ZZZ3: variants seen among roughly 807,000 people sequenced by gnomAD.
The protein encoded by ZZZ3 is zinc finger ZZ-type containing 3.
ZZZ3 carries 22 observed loss-of-function variants against 95.2 expected under a neutral mutation model. The ratio of observed to expected loss-of-function variants is 0.23; its 90% CI spans 0.17 to 0.33. The LOEUF (loss-of-function observed/expected upper bound fraction) is 0.33. Among genes scored for constraint, ZZZ3 ranks in the 10% least tolerant of loss-of-function variants. ZZZ3 has a pLI of 1.00. For missense variants in ZZZ3, 885 were observed against 1,066.5 expected, an observed-to-expected ratio of 0.83 and a Z score of 2.37; for synonymous variants, 335 against 358.9, an observed-to-expected ratio of 0.93 and a Z score of 0.75.
intron 5 of ZZZ3, among the ~76,000 whole-genome samples, chr1:77,611,571 TCA>T (rs1293950458): frequency 3.3e-5 from 5 of 151,882 alleles, no homozygotes; most frequent in Non-Finnish European, 5.9e-5. Flanking sequence ...GCCGGAAGCA[TCA>T]CACTCAATGA....
intron 4 of ZZZ3, among the ~76,000 whole-genome samples, chr1:77,635,569 TA>T (rs1668219099): frequency 6.6e-6 from 1 of 152,250 alleles, no homozygotes; most frequent in Non-Finnish European, 1.5e-5. Context: ...TTTCCACTTT[TA>T]ATTGTAAAAC....
intron 1 of ZZZ3, among the ~76,000 whole-genome samples, chr1:77,669,916 A>T (rs1671597805): frequency 1.3e-5 from 2 of 152,158 alleles, no homozygotes; most frequent in Admixed American, 1.3e-4. Flanking sequence ...GGTAAAAGAG[A>T]TCATTTTGGT....
intron 5 of ZZZ3, among the ~76,000 whole-genome samples, chr1:77,586,595 A>T (rs1444912174): frequency 6.7e-6 from 1 of 148,912 alleles, no homozygotes; most frequent in African/African-American, 2.6e-5. Context: ...AATCTGACTT[A>T]AAAAAAAATT....
intron 5 of ZZZ3, among the ~76,000 whole-genome samples, chr1:77,613,768 T>C (rs1666038837): frequency 6.6e-6 from 1 of 152,150 alleles, no homozygotes; most frequent in Non-Finnish European, 1.5e-5. Flanking sequence ...CCTGATAAAC[T>C]AAACAAGTTA....
intron 1 of ZZZ3, among the ~76,000 whole-genome samples, chr1:77,659,173 A>G (rs887999480): frequency 2.6e-5 from 4 of 152,126 alleles, no homozygotes; most frequent in Non-Finnish European, 4.4e-5. Context: ...AGCCGAGATC[A>G]TGCATATATA....
At chr1:77,680,909 G>C (rs920559423) in intron 1 of ZZZ3, among the ~76,000 whole-genome samples, 5 of 151,828 alleles carry the variant, frequency 3.3e-5, no homozygotes, top group Non-Finnish European at 7.4e-5. Context: ...TCTGTGCAAA[G>C]CTACCAAGCA....
chr1:77,570,077 G>GA (rs1661222392), intron 12 of ZZZ3, among the ~76,000 whole-genome samples: 1 of 152,144 alleles, frequency 6.6e-6, no homozygotes. Context: ...GCCCAAGTCA[G>GA]AAATCTAAGT....
chr1:77,643,784 C>A (rs1668998424), intron 1 of ZZZ3, among the ~76,000 whole-genome samples: 1 of 152,144 alleles, frequency 6.6e-6, no homozygotes, highest in African/African-American at 2.4e-5. Context: ...GGGTATAAGC[C>A]ACACAACTTA....
chr1:77,585,470 T>A (rs575129968), intron 5 of ZZZ3, among the ~76,000 whole-genome samples: 38 of 152,302 alleles, frequency 2.5e-4, no homozygotes, highest in African/African-American at 8.7e-4. Flanking sequence ...GAGAAATACA[T>A]TAAACCCAAA....
Position 77,578,066 on chromosome 1 carries a change from G to A in ZZZ3, c.2178+708C>T, listed in dbSNP as rs977925117. Among the ~76,000 whole-genome samples the A allele has an allele frequency of 9.2e-5, 14 of 152,130 alleles. 1 individual carries two copies. The highest frequency in any genetic ancestry group is 9.2e-4 in the Admixed American group (14 of 15,252). ...CCCAGACTTAGCAGCTAAGCAACTA[G>A]ATAATTCACTCAACATACCTGAGGG... is the stretch of plus-strand genomic sequence containing the variant. On this transcript the variant is annotated intron_variant, in intron 11 of 14. Coordinates refer to ENST00000370801, the MANE Select transcript of ZZZ3 (RefSeq NM_015534.6).
Position 77,632,214 on chromosome 1 carries a change from A to G in ZZZ3, c.1141T>C (p.Ser381Pro). 6.2e-7 allele frequency: 1 copy of G among 1,614,006 alleles called. No individual in the cohort carries two copies. Among genetic ancestry groups the G allele is most frequent in the South Asian group, 1.1e-5 (1 of 91,074 alleles). The change falls in exon 5 of 15, where the codon TCA (serine) becomes CCA (proline). Residue 381 changes from serine to proline, a missense_variant. Ser to Pro is a moderately conservative substitution (Grantham distance 74). Around this residue, in one of 5 missense-constraint regions of ZZZ3, gnomAD observed 556 missense variants for 652.9 expected, o/e 0.85. Coordinates refer to ENST00000370801, the MANE Select transcript of ZZZ3 (RefSeq NM_015534.6). ...CTGGTAGGGGCTGCCCTTCGTGGTG[A>G]GGTTCTCAGAGTATAACGATGTTCT... ...PQEHRYTLRT[S>P]PRRAAPTRGS... is the part of the protein sequence containing the mutation.
chr1:77,663,659 T>G (rs1319742080), intron 1 of ZZZ3, among the ~76,000 whole-genome samples: 2 of 152,228 alleles, frequency 1.3e-5, no homozygotes, highest in African/African-American at 2.4e-5. Context: ...AGCCTGGTAC[T>G]TCATTTGTTT....
chr1:77,566,693 G>C (rs2100450383), intron 13 of ZZZ3, among the ~76,000 whole-genome samples: 1 of 152,294 alleles, frequency 6.6e-6, no homozygotes, highest in Admixed American at 6.5e-5. Context: ...AGGCAACAAT[G>C]AAATTCTGTC....
chr1:77,589,881 G>T (rs78076753), intron 5 of ZZZ3, among the ~76,000 whole-genome samples: 1,602 of 152,202 alleles, frequency 0.011, 40 homozygotes, highest in African/African-American at 0.037. Context: ...CAGAAGGAAA[G>T]ATTTTATATT....
intron 1 of ZZZ3, among the ~76,000 whole-genome samples, chr1:77,665,974 G>T (rs942006352): frequency 2.6e-5 from 4 of 152,212 alleles, no homozygotes; most frequent in Non-Finnish European, 5.9e-5. Flanking sequence ...CCAGAAGGCG[G>T]AGGGTGCCGT....
At chr1:77,672,951 T>C (rs1399923613) in intron 1 of ZZZ3, among the ~76,000 whole-genome samples, 4 of 152,128 alleles carry the variant, frequency 2.6e-5, no homozygotes, top group Non-Finnish European at 5.9e-5. Context: ...TTTTAGAAAG[T>C]AGGCTAAAAC....
chr1:77,579,744 G>C (rs562849186), intron 9 of ZZZ3, 116 bp from the exon 10 acceptor site: 1 of 599,046 alleles, frequency 1.7e-6, no homozygotes, highest in East Asian at 3.6e-5. Flanking sequence ...CCCACCTTTG[G>C]GGGTTACGTA....
chr1:77,571,877 T>C (rs143576620), intron 12 of ZZZ3, among the ~76,000 whole-genome samples: 29 of 152,280 alleles, frequency 1.9e-4, no homozygotes, highest in African/African-American at 6.3e-4. Context: ...GTACATAGCA[T>C]TGCTGAACTG....
rs1418498779 is a variant in ZZZ3, at chr1:77,633,208, T to C, written c.147A>G (p.Ser49=). 6.2e-7 allele frequency: 1 copy of C among 1,614,044 alleles called. No homozygotes were observed. Residue 49 remains serine (S), a synonymous_variant, in exon 5 of 15, where the codon TCA becomes TCG. Coordinates refer to ENST00000370801, the MANE Select transcript of ZZZ3 (RefSeq NM_015534.6). ...ISSNSQVRSR[S]PKKRPEPVPI... is the part of the protein sequence containing the mutation. ...GCACAGGCTCTGGTCTCTTCTTTGG[T>C]GATCTTGATCGTACTTGAGAATTAG...
Sources: gnomAD v4.1 joint callset for allele counts (sites outside exome capture counted in the v4.1 genomes callset) on GRCh38, gnomAD v4.1.1 for gene constraint, gnomAD v4.1.1 regional missense constraint, MANE v1.5 for transcripts, NCBI Gene and HGNC (gene_info 2026-07-23, HGNC 2026-07-21) for gene names.